IGBP1C: variants seen among roughly 807,000 people sequenced by gnomAD.
The protein encoded by IGBP1C is IGBP1 family member C.
At chr17:58,661,612 G>A in the IGBP1C span, 1 of 703,170 alleles carries the variant, frequency 1.4e-6, no homozygotes, top group African/African-American at 1.8e-5. Context: ...TGGGAAGGCT[G>A]ATGCGAAATG....
chr17:58,684,073 G>T, the IGBP1C span, among the ~76,000 whole-genome samples: 4 of 151,598 alleles, frequency 2.6e-5, no homozygotes. Flanking sequence ...ATATATAAAA[G>T]TATACGATAA....
At chr17:58,678,616 T>C in the IGBP1C span, among the ~76,000 whole-genome samples, 18 of 151,822 alleles carry the variant, frequency 1.2e-4, no homozygotes, top group African/African-American at 1.7e-4. Context: ...TAGGTGGGAA[T>C]TGAACAATGA....
the IGBP1C span, among the ~76,000 whole-genome samples, chr17:58,680,477 C>G: frequency 2.0e-5 from 3 of 152,318 alleles, no homozygotes; most frequent in South Asian, 2.1e-4. Context: ...CGCTGTGACT[C>G]CTGCCTGTAA....
chr17:58,671,489 T>C, the IGBP1C span, among the ~76,000 whole-genome samples: 1 of 152,136 alleles, frequency 6.6e-6, no homozygotes, highest in South Asian at 2.1e-4. Flanking sequence ...GAACTGAGAG[T>C]GTTCTTCTCC....
chr17:58,682,262 CT>C, the IGBP1C span, among the ~76,000 whole-genome samples: 116 of 141,776 alleles, frequency 8.2e-4, no homozygotes, highest in Admixed American at 9.3e-4. Flanking sequence ...CAGAGTCTTT[CT>C]TTTTTTTTTT....
At chr17:58,679,693 G>C in the IGBP1C span, 1 of 152,116 alleles carries the variant, frequency 6.6e-6, no homozygotes, top group Non-Finnish European at 1.5e-5. Context: ...TTAAGTATGA[G>C]TCCCCAGCGC....
At chr17:58,674,910 T>G in the IGBP1C span, among the ~76,000 whole-genome samples, 2 of 150,234 alleles carry the variant, frequency 1.3e-5, no homozygotes, top group Non-Finnish European at 3.0e-5. Context: ...TGTGGGAGGC[T>G]GAGGGGGGGT....
At chr17:58,668,101 AC>A in the IGBP1C span, among the ~76,000 whole-genome samples, 3 of 152,008 alleles carry the variant, frequency 2.0e-5, no homozygotes, top group South Asian at 6.2e-4. Context: ...ATATCTGATC[AC>A]CCCAGCCTGT....
the IGBP1C span, among the ~76,000 whole-genome samples, chr17:58,671,119 C>T: frequency 3.9e-5 from 6 of 152,254 alleles, no homozygotes; most frequent in East Asian, 1.9e-4. Context: ...CTTTGAGCTA[C>T]ATCCTGGGTA....
the IGBP1C span, among the ~76,000 whole-genome samples, chr17:58,682,592 A>C: frequency 6.6e-6 from 1 of 151,950 alleles, no homozygotes. Flanking sequence ...TTTATTTCAC[A>C]AAACAAAATG....
At chr17:58,679,595 A>G in the IGBP1C span, 1 of 152,230 alleles carries the variant, frequency 6.6e-6, no homozygotes, top group African/African-American at 2.4e-5. Flanking sequence ...TTTGTAGAAA[A>G]CCACAGGGGT....
the IGBP1C span, among the ~76,000 whole-genome samples, chr17:58,682,419 G>A: frequency 1.3e-5 from 2 of 151,940 alleles, no homozygotes; most frequent in Admixed American, 6.6e-5. Flanking sequence ...CACCATGCCC[G>A]GCTAGTTTTT....
chr17:58,685,603 G>A, the IGBP1C span, among the ~76,000 whole-genome samples: 45,245 of 151,586 alleles, frequency 0.3, 7,252 homozygotes, highest in Middle Eastern at 0.48. Context: ...GAAGCAAATG[G>A]GAAAGAGGAA....
chr17:58,671,309 T>C, the IGBP1C span, among the ~76,000 whole-genome samples: 1 of 152,198 alleles, frequency 6.6e-6, no homozygotes, highest in African/African-American at 2.4e-5. Flanking sequence ...AAGTAACTTT[T>C]TGTGCCATCC....
the IGBP1C span, among the ~76,000 whole-genome samples, chr17:58,685,333 G>A: frequency 6.6e-6 from 1 of 151,806 alleles, no homozygotes; most frequent in Admixed American, 6.6e-5. Flanking sequence ...CTACTCAGGA[G>A]GCTGAGGCAG....
At chr17:58,664,584 G>A in the IGBP1C span, among the ~76,000 whole-genome samples, 1 of 152,134 alleles carries the variant, frequency 6.6e-6, no homozygotes, top group African/African-American at 2.4e-5. Flanking sequence ...GAGTCTGCCT[G>A]CAATAAATAA....
At chr17:58,669,468 C>G in the IGBP1C span, among the ~76,000 whole-genome samples, 5 of 151,924 alleles carry the variant, frequency 3.3e-5, no homozygotes, top group Admixed American at 3.3e-4. Context: ...CGTGGTGGCT[C>G]ACGCCTGTAA....
chr17:58,676,722 A>G, the IGBP1C span, among the ~76,000 whole-genome samples: 2 of 152,122 alleles, frequency 1.3e-5, no homozygotes, highest in African/African-American at 4.8e-5. Context: ...TATGGTACTC[A>G]TTTTTGTAAT....
chr17:58,674,820 A>C, the IGBP1C span, among the ~76,000 whole-genome samples: 6 of 148,472 alleles, frequency 4.0e-5, no homozygotes, highest in Admixed American at 3.4e-4. Flanking sequence ...AAAAAGATTT[A>C]TCTTCGATGA....
Sources: gnomAD v4.1 joint callset for allele counts (sites outside exome capture counted in the v4.1 genomes callset) on GRCh38, gnomAD v4.1.1 for gene constraint, MANE v1.5 for transcripts, NCBI Gene and HGNC (gene_info 2026-07-23, HGNC 2026-07-21) for gene names.